FILIP1: variants seen among roughly 807,000 people sequenced by gnomAD.
The protein encoded by FILIP1 is filamin A interacting protein 1.
A neutral mutation model predicts 102.1 loss-of-function variants in FILIP1; 61 were observed. The observed-to-expected ratio is 0.60, with a 90% CI of 0.49 to 0.74. The LOEUF (loss-of-function observed/expected upper bound fraction) is 0.74, where lower values mean the gene tolerates loss of function less well. FILIP1 is among the 30% of genes least tolerant of loss of function. The pLI, the probability that FILIP1 is intolerant of heterozygous loss-of-function variation, is 0.00. For missense variants in FILIP1, 1,314 were observed against 1,441.2 expected, an observed-to-expected ratio of 0.91 and a Z score of 1.43; for synonymous variants, 491 against 526.9, an observed-to-expected ratio of 0.93 and a Z score of 0.93.
chr6:75,465,282 T>C (rs765645887), intron 1 of FILIP1: 39 of 314,220 alleles, frequency 1.2e-4, no homozygotes, highest in East Asian at 3.3e-4. Flanking sequence ...GGGCTAACAA[T>C]TGGGCCTCCA....
In FILIP1 at chr6:75,372,735, A is replaced by G. The variant is rs1236098717; in HGVS notation, c.277-9818T>C. On this transcript the variant is annotated intron_variant, in intron 2 of 5. Transcript: ENST00000237172. The stretch of plus-strand genomic sequence containing the variant: ...AAAGGAAAGAAAGAGAAAGAGAAAG[A>G]AAGAAAGAAAGAAAGAAAGAAAGAA... Among the ~76,000 whole-genome samples the G allele has an allele frequency of 4.8e-4, 16 of 33,024 alleles. 2 individuals carry two copies. The highest frequency in any genetic ancestry group is 2.3e-3 in the African/African-American group (16 of 6,904). The allele number at this position is 33,024 out of a possible 152,430, so 21.7% of individuals were successfully genotyped here.
chr6:75,456,514 A>G (rs1219161830), intron 1 of FILIP1, among the ~76,000 whole-genome samples: 2 of 151,648 alleles, frequency 1.3e-5, no homozygotes, highest in African/African-American at 2.4e-5. Context: ...TTCATTTAAT[A>G]TTTTTAATAT....
intron 6 of FILIP1, chr6:75,295,997 A>G: frequency 7.8e-7 from 1 of 1,282,000 alleles, no homozygotes; most frequent in South Asian, 1.7e-5. Flanking sequence ...ACTGAAACTG[A>G]GAATCAAGCT....
At chr6:75,450,983 AATC>A (rs1778613570) in intron 1 of FILIP1, among the ~76,000 whole-genome samples, 1 of 152,086 alleles carries the variant, frequency 6.6e-6, no homozygotes, top group South Asian at 2.1e-4. Flanking sequence ...TAAGTAATGT[AATC>A]AATTTACACT....
At chr6:75,381,311 T>A (rs546905530) in intron 2 of FILIP1, among the ~76,000 whole-genome samples, 1 of 151,944 alleles carries the variant, frequency 6.6e-6, no homozygotes, top group South Asian at 2.1e-4. Context: ...CTCACTGCAA[T>A]CTCTGCCTCC....
At chr6:75,307,968 A>G, downstream of FILIP1, 1 of 873,010 alleles carries the variant, frequency 1.1e-6, no homozygotes, top group Non-Finnish European at 1.4e-6. Context: ...TGAATAGAGC[A>G]CGAGTCTGAC....
At chr6:75,372,681 G>GAAAT (rs1161193079) in intron 2 of FILIP1, among the ~76,000 whole-genome samples, 2 of 45,562 alleles carry the variant, frequency 4.4e-5, no homozygotes, top group Non-Finnish European at 8.1e-5. Context: ...AAGAAAGAAA[G>GAAAT]AAAGAGAAAG....
intron 3 of FILIP1, among the ~76,000 whole-genome samples, chr6:75,354,448 G>A (rs568550636): frequency 1.9e-3 from 285 of 152,008 alleles, no homozygotes; most frequent in Non-Finnish European, 3.5e-3. Flanking sequence ...GCACATGCCT[G>A]TAATCCCAGC....
intron 2 of FILIP1, chr6:75,384,705 T>C: frequency 6.6e-6 from 1 of 152,110 alleles, no homozygotes; most frequent in Admixed American, 6.6e-5. Context: ...TTAATTCCTG[T>C]TTTTTGACCA....
At chr6:75,485,919 C>T (rs12176377) in intron 1 of FILIP1, among the ~76,000 whole-genome samples, 5 of 150,984 alleles carry the variant, frequency 3.3e-5, no homozygotes, top group Admixed American at 6.6e-5. Context: ...CAATAACAAG[C>T]CTTTATGTGG....
intron 2 of FILIP1, among the ~76,000 whole-genome samples, chr6:75,382,802 CTT>C (rs1775948946): frequency 6.6e-6 from 1 of 152,156 alleles, no homozygotes; most frequent in African/African-American, 2.4e-5. Context: ...ACTGAATAGA[CTT>C]TGGGGGATCT....
At chr6:75,312,373 CG>C in intron 5 of FILIP1, 23 bp downstream of exon 5, 4 of 1,598,122 alleles carry the variant, frequency 2.5e-6, no homozygotes, top group Non-Finnish European at 3.4e-6. Context: ...TGCAGGCCTG[CG>C]CTTTGGAGCC....
chr6:75,319,585 C>G (rs1773571207), intron 4 of FILIP1: 1 of 484,604 alleles, frequency 2.1e-6, no homozygotes, highest in Non-Finnish European at 4.0e-6. Context: ...AATCCCAGCA[C>G]TTTGGGAGGC....
At chr6:75,293,717 C>T (rs1023748409) in exon 7 of FILIP1, 2 of 152,150 alleles carry the variant, frequency 1.3e-5, no homozygotes, top group Non-Finnish European at 2.9e-5. Flanking sequence ...CTAACATTTT[C>T]ACTATTAGTA....
intron 4 of FILIP1, among the ~76,000 whole-genome samples, chr6:75,345,377 G>C (rs900928443): frequency 1.4e-5 from 2 of 145,078 alleles, no homozygotes; most frequent in African/African-American, 5.2e-5. Context: ...TTCTAACAAA[G>C]AGCAGCCCGT....
chr6:75,450,919 C>T (rs575459354), intron 1 of FILIP1, among the ~76,000 whole-genome samples: 255 of 152,234 alleles, frequency 1.7e-3, no homozygotes, highest in Non-Finnish European at 2.6e-3. Flanking sequence ...TGCGCCATTG[C>T]ACTCCAGCCT....
intron 1 of FILIP1, among the ~76,000 whole-genome samples, chr6:75,457,982 C>T (rs1778900575): frequency 6.6e-6 from 1 of 152,132 alleles, no homozygotes; most frequent in African/African-American, 2.4e-5. Context: ...ACCTCACCCA[C>T]CCCACCAATA....
chr6:75,317,659 A>T (rs1196447962), intron 4 of FILIP1, among the ~76,000 whole-genome samples: 1 of 152,150 alleles, frequency 6.6e-6, no homozygotes, highest in African/African-American at 2.4e-5. Context: ...GCTTCCAGGA[A>T]ACCACATTTT....
chr6:75,456,971 G>A (rs1778858231), intron 1 of FILIP1, among the ~76,000 whole-genome samples: 1 of 152,062 alleles, frequency 6.6e-6, no homozygotes, highest in Admixed American at 6.5e-5. Flanking sequence ...ATGCTGTTCA[G>A]CCTTCTTTCA....
Sources: allele counts gnomAD v4.1 joint callset (sites outside exome capture counted in the v4.1 genomes callset), GRCh38; gene constraint gnomAD v4.1.1; transcripts MANE v1.5; gene names NCBI Gene and HGNC (gene_info 2026-07-23, HGNC 2026-07-21).